MYOM3: variants seen among roughly 807,000 people sequenced by gnomAD.
The protein encoded by MYOM3 is myomesin-3.
In MYOM3, 155 loss-of-function variants were observed where a neutral mutation model predicts 191.7. That is an observed-to-expected ratio of 0.81 (90% CI 0.71 to 0.92). MYOM3 has a LOEUF of 0.92. MYOM3 is among the 40% of genes least tolerant of loss of function. The pLI is 0.00. For missense variants in MYOM3, 1,889 were observed against 1,890.6 expected (o/e 1.00, Z 0.02); for synonymous variants, 757 against 762.9 (o/e 0.99, Z 0.13).
intron 36 of MYOM3, 24 bp downstream of exon 36, chr1:24,058,900 C>A (rs1387934676): frequency 2.5e-6 from 4 of 1,582,660 alleles, no homozygotes; most frequent in Non-Finnish European, 3.5e-6. Context: ...GGACTGCTGG[C>A]TGTGGGCTGG....
At position 24,057,504 on chromosome 1, in the gene MYOM3, T is replaced by C. The variant is rs202208782; in HGVS notation, c.4174A>G (p.Ile1392Val). ...RMEVRGTEVT[I>V]TIEKVNSEDS... ...TCACTGTTGACCTTCTCAATGGTGA[T>C]GGTGACCTCTGTCCCCCTCACTTCC... The change falls in exon 37 of 37, where the codon ATC becomes GTC. Residue 1392 changes from isoleucine (I) to valine (V), a missense_variant. Physicochemically the swap from Ile to Val is conservative, Grantham distance 29. Coordinates refer to ENST00000374434, the MANE Select transcript of MYOM3 (RefSeq NM_152372.4). The C allele has an allele frequency of 7.3e-5, 118 of 1,614,202 alleles. No homozygotes were observed. In the African/African-American group the frequency reaches 1.5e-3, roughly 21 times the overall value.
At chr1:24,060,844 C>T (rs987945956) in intron 35 of MYOM3, among the ~76,000 whole-genome samples, 1 of 152,206 alleles carries the variant, frequency 6.6e-6, no homozygotes, top group African/African-American at 2.4e-5. Flanking sequence ...CCTGCGAGAA[C>T]CAGGCTCGCG....
intron 16 of MYOM3, 76 bp downstream of exon 16, chr1:24,084,392 A>T: frequency 6.6e-7 from 1 of 1,510,020 alleles, no homozygotes; most frequent in Non-Finnish European, 9.2e-7. Flanking sequence ...TCTTTTCTTT[A>T]TAAAAGAAAT....
At chr1:24,059,111 T>A (rs569653315) in intron 35 of MYOM3, 132 bp from the exon 36 acceptor site, 1 of 684,726 alleles carries the variant, frequency 1.5e-6, no homozygotes, top group South Asian at 1.9e-5. Flanking sequence ...TTATTTTGGA[T>A]GGAAATCTTT....
At position 24,087,173 on chromosome 1, in the gene MYOM3, C is replaced by T. The variant is rs202038916; in HGVS notation, c.1615-346G>A. On this transcript the variant is annotated intron_variant, in intron 14 of 36. Transcript: ENST00000374434. The surrounding 1 kb of genome is among the most constrained non-coding windows in gnomAD (Gnocchi z 4.5). ...GCCCTAAATGTGCTCCATGAATGAA[C>T]CCAGTTGGCTCACCCTTCAAAATTT... is the stretch of plus-strand genomic sequence containing the variant. Among the ~76,000 whole-genome samples, 2 of 152,198 alleles carry T rather than the reference C, an allele frequency of 1.3e-5. No homozygotes were observed. Among genetic ancestry groups the T allele is most frequent in the Non-Finnish European group, 2.9e-5 (2 of 68,036 alleles).
chr1:24,085,004 G>A (rs1342850410), intron 15 of MYOM3, among the ~76,000 whole-genome samples: 2 of 152,128 alleles, frequency 1.3e-5, no homozygotes, highest in African/African-American at 4.8e-5. Context: ...TGATTTTCAT[G>A]GCTCCCTGAA....
chr1:24,061,276 A>G lies in MYOM3; in HGVS notation c.3968T>C (p.Leu1323Pro). ...GAGAAATGTAGAGGAAACTTACTTCAGTCTCTGGTGTTCAGCCATTGCATC... is the reference window on the plus strand; with the variant it reads ...GAGAAATGTAGAGGAAACTTACTTCGGTCTCTGGTGTTCAGCCATTGCATC... ...FEDAMAEHQR[L>P]KTLAIIEKNR... The change falls in exon 34 of 37, where the codon CTG becomes CCG. Residue 1323 changes from leucine to proline, a missense_variant. Transcript: ENST00000374434. The G allele has an allele frequency of 6.2e-7, 1 of 1,614,142 alleles. No homozygotes were observed. The highest frequency in any genetic ancestry group is 8.5e-7 in the Non-Finnish European group (1 of 1,180,018).
chr1:24,063,601 C>T lies in MYOM3; in HGVS notation c.3623-71G>A, dbSNP rs996838607. ...AGGGATGTGCTAGGAGTGGGGACAT[C>T]CTAGAAAAAGGCTGGTGGAGCCCGT... On this transcript the variant is annotated intron_variant, in intron 30 of 36. Coordinates refer to ENST00000374434, the MANE Select transcript of MYOM3 (RefSeq NM_152372.4). The surrounding 1 kb of genome is among the most constrained non-coding windows in gnomAD (Gnocchi z 4.5). 1.9e-5 allele frequency: 30 copies of T among 1,585,300 alleles called. No individual in the cohort carries two copies. In the African/African-American group the frequency reaches 3.4e-4, roughly 18 times the overall value.
rs527719064 is a variant in MYOM3, at chr1:24,090,980, C to G, written c.1249G>C (p.Gly417Arg). ...YTIERCQGES[G>R]EWIACHEAPG... The stretch of plus-strand genomic sequence containing the variant: ...GCCTCATGGCAGGCGATCCATTCCC[C>G]AGACTCGCCCTGGCACCTGTTGGAG... Residue 417 changes from glycine to arginine, a missense_variant, in exon 12 of 37, where the codon GGG (glycine) becomes CGG (arginine). Coordinates refer to ENST00000374434, the MANE Select transcript of MYOM3 (RefSeq NM_152372.4). 3 of 1,613,908 alleles carry G rather than the reference C, an allele frequency of 1.9e-6. No homozygotes were observed. The African/African-American group carries it at 4.0e-5, about 22-fold the overall frequency.
intron 23 of MYOM3, among the ~76,000 whole-genome samples, chr1:24,072,615 A>C (rs1570861385): frequency 6.6e-6 from 1 of 151,110 alleles, no homozygotes; most frequent in African/African-American, 2.5e-5. Flanking sequence ...GCTCACTGCA[A>C]CCTCCGCCTC....
chr1:24,105,871 C>T (rs765660687), intron 5 of MYOM3, 49 bp downstream of exon 5: 1 of 1,534,752 alleles, frequency 6.5e-7, no homozygotes, highest in Non-Finnish European at 8.8e-7. Context: ...GTGAGGAACT[C>T]ACTTGTGACC....
chr1:24,110,025 G>A (rs945646852), intron 1 of MYOM3, among the ~76,000 whole-genome samples: 3 of 152,244 alleles, frequency 2.0e-5, no homozygotes, highest in African/African-American at 4.8e-5. Flanking sequence ...AGAGGCAAAC[G>A]AGGGGTGTGG....
chr1:24,108,372 C>A, intron 2 of MYOM3, 104 bp downstream of exon 2: 4 of 1,242,552 alleles, frequency 3.2e-6, no homozygotes, highest in Non-Finnish European at 4.3e-6. Flanking sequence ...ATGTCCCTCC[C>A]CCCATCAGGT....
At chr1:24,067,412 TTCC>T (rs1320736546) in intron 27 of MYOM3, among the ~76,000 whole-genome samples, 149 of 101,754 alleles carry the variant, frequency 1.5e-3, no homozygotes, top group Non-Finnish European at 2.1e-3. Context: ...CCTTCCTTCC[TTCC>T]TTCCTTCCTT....
intron 3 of MYOM3, 113 bp from the exon 4 acceptor site, chr1:24,107,345 G>T: frequency 1.0e-6 from 1 of 981,228 alleles, no homozygotes; most frequent in Non-Finnish European, 1.5e-6. Flanking sequence ...ACTTTTGGAG[G>T]ACATGCATGA....
At chr1:24,064,607 G>A (rs1002755995) in intron 29 of MYOM3, among the ~76,000 whole-genome samples, 3 of 152,200 alleles carry the variant, frequency 2.0e-5, no homozygotes, top group Admixed American at 6.5e-5. Context: ...CAGGACAAGG[G>A]GGCCCTTTTG....
At chr1:24,067,233 G>A in intron 27 of MYOM3, 145 bp from the exon 28 acceptor site, 1 of 647,302 alleles carries the variant, frequency 1.5e-6, no homozygotes, top group Non-Finnish European at 2.6e-6. Context: ...GGACTGGGGT[G>A]AGGCAGGGGC....
chr1:24,065,955 C>T lies in MYOM3; in HGVS notation c.3470G>A (p.Arg1157Lys), dbSNP rs1370533270. ...ATACTGACCATCTGGCATCTCTGCC[C>T]TCTGGAAGAACCACTGAAAGCGAGT... Reference protein sequence around the residue: ...KETRFQWFFQRAEMPDGQYDP... With the variant: ...KETRFQWFFQKAEMPDGQYDP... The change falls in exon 29 of 37, where the codon AGG becomes AAG. Residue 1157 changes from arginine to lysine, a missense_variant. Arg to Lys is a conservative substitution (Grantham distance 26). Coordinates refer to ENST00000374434, the MANE Select transcript of MYOM3 (RefSeq NM_152372.4). 6.2e-7 allele frequency: 1 copy of T among 1,614,172 alleles called. No individual in the cohort carries two copies. The highest frequency in any genetic ancestry group is 8.5e-7 in the Non-Finnish European group (1 of 1,179,996).
In MYOM3 at chr1:24,107,071, AC is replaced by A. The variant is rs1557619213; in HGVS notation, c.402+1del. ...CTGGGGCTCCACGGCCCACCCCCTTACCCGCCGCCTCAGCGTCTTCCAGTCC... is the reference window on the plus strand; with the variant it reads ...CTGGGGCTCCACGGCCCACCCCCTTACCGCCGCCTCAGCGTCTTCCAGTCC... On this transcript the variant is annotated splice_donor_variant, in intron 4 of 36. Coordinates refer to ENST00000374434, the MANE Select transcript of MYOM3 (RefSeq NM_152372.4). LOFTEE classifies it high-confidence loss of function. 1 of 1,599,720 alleles carries A rather than the reference AC, an allele frequency of 6.3e-7. No homozygotes were observed. Among genetic ancestry groups the A allele is most frequent in the Non-Finnish European group, 8.5e-7 (1 of 1,173,836 alleles).
Sources: gnomAD v4.1 joint callset for allele counts (sites outside exome capture counted in the v4.1 genomes callset) on GRCh38, gnomAD v4.1.1 for gene constraint, Gnocchi (gnomAD v3.1) non-coding constraint, MANE v1.5 for transcripts, NCBI Gene and HGNC (gene_info 2026-07-23, HGNC 2026-07-21) for gene names.